Variants in GPHN observed in about 807,000 individuals in gnomAD.
GPHN encodes gephyrin.
A neutral mutation model predicts 95.5 loss-of-function variants in GPHN; 17 were observed. The ratio of observed to expected loss-of-function variants is 0.18; its 90% CI spans 0.12 to 0.27. The LOEUF (loss-of-function observed/expected upper bound fraction) is 0.27, where lower values mean the gene tolerates loss of function less well. GPHN is among the 10% of genes least tolerant of loss of function. The probability of loss-of-function intolerance (pLI) is 1.00; values close to 1 mark genes in which losing one functional copy is unlikely to be tolerated. For missense variants in GPHN, 660 were observed against 978.1 expected (o/e 0.67, Z 4.34); for synonymous variants, 320 against 322.5 (o/e 0.99, Z 0.08).
At chr14:66,545,757 CG>C (rs2059557630) in intron 1 of GPHN, among the ~76,000 whole-genome samples, 1 of 137,962 alleles carries the variant, frequency 7.2e-6, no homozygotes, top group Non-Finnish European at 1.6e-5. Context: ...ACCTCCCTCC[CG>C]GACGGGGCAG....
At chr14:66,852,657 G>A (rs1217433007) in intron 4 of GPHN, among the ~76,000 whole-genome samples, 1 of 152,230 alleles carries the variant, frequency 6.6e-6, no homozygotes, top group Non-Finnish European at 1.5e-5. Context: ...TCATTTCAAA[G>A]ATGTATCGTT....
intron 9 of GPHN, among the ~76,000 whole-genome samples, chr14:67,016,752 T>C (rs1023042968): frequency 3.3e-5 from 5 of 152,104 alleles, no homozygotes; most frequent in Admixed American, 2.0e-4. Context: ...TCAGACTTTT[T>C]CTGTAGCTTT....
chr14:66,912,870 G>A lies in GPHN; in HGVS notation c.390-3133G>A, dbSNP rs1034655451. ...AACAACTCAGGTTATGGAAACTAAG[G>A]ATTAAAGAAGTTTAGTAATGAAGAC... On this transcript the variant is annotated intron_variant, in intron 5 of 22. Transcript: ENST00000478722. Among the ~76,000 whole-genome samples the A allele has an allele frequency of 5.3e-5, 8 of 152,104 alleles. 1 individual carries two copies. In the South Asian group the frequency reaches 6.2e-4, roughly 12 times the overall value.
the GPHN span, among the ~76,000 whole-genome samples, chr14:67,723,273 C>T: frequency 6.6e-6 from 1 of 152,172 alleles, no homozygotes; most frequent in African/African-American, 2.4e-5. Context: ...TGCTCTGTCA[C>T]CCCAGGGTGG....
At chr14:66,605,491 A>G (rs916494262) in intron 1 of GPHN, among the ~76,000 whole-genome samples, 1 of 149,062 alleles carries the variant, frequency 6.7e-6, no homozygotes, top group Non-Finnish European at 1.5e-5. Context: ...GCCACTTACA[A>G]TGTCTTCTTT....
chr14:67,605,898 G>A, the GPHN span, among the ~76,000 whole-genome samples: 1 of 151,808 alleles, frequency 6.6e-6, no homozygotes, highest in African/African-American at 2.4e-5. Context: ...GCCCAGGCCG[G>A]TCTCAAGCAA....
At chr14:66,851,439 A>T (rs945162012) in intron 4 of GPHN, among the ~76,000 whole-genome samples, 1 of 152,134 alleles carries the variant, frequency 6.6e-6, no homozygotes, top group East Asian at 1.9e-4. Flanking sequence ...AAGTGGAACC[A>T]TATAATATGT....
intron 2 of GPHN, among the ~76,000 whole-genome samples, chr14:66,746,025 A>G (rs1243398141): frequency 6.6e-6 from 1 of 152,122 alleles, no homozygotes; most frequent in Non-Finnish European, 1.5e-5. Flanking sequence ...ATTCATTTTT[A>G]TGGTAGATAG....
chr14:67,709,378 A>T, the GPHN span, among the ~76,000 whole-genome samples: 48 of 152,342 alleles, frequency 3.2e-4, no homozygotes, highest in African/African-American at 1.1e-3. Flanking sequence ...TTTTATAAAC[A>T]ATCTATAACA....
the GPHN span, among the ~76,000 whole-genome samples, chr14:67,389,220 TAAATA>T: frequency 6.6e-6 from 1 of 152,040 alleles, no homozygotes; most frequent in Non-Finnish European, 1.5e-5. Context: ...ATAAAATGGT[TAAATA>T]AAATACTGGA....
the GPHN span, chr14:67,678,434 A>C: frequency 1.3e-6 from 2 of 1,580,578 alleles, no homozygotes; most frequent in East Asian, 2.2e-5. Context: ...CTGGAAGGTA[A>C]AGAGAAAGGT....
chr14:67,515,407 C>CCGGCGGCGGCGG, the GPHN span: 493 of 178,874 alleles, frequency 2.8e-3, 2 homozygotes, highest in East Asian at 0.013. Flanking sequence ...AAAGGAGCCC[C>CCGGCGGCGGCGG]CGGCGGCGGC....
At chr14:67,724,053 G>A in the GPHN span, among the ~76,000 whole-genome samples, 6 of 152,352 alleles carry the variant, frequency 3.9e-5, no homozygotes, top group East Asian at 5.8e-4. Context: ...CTGTTCATCA[G>A]TTACTCATGA....
At chr14:66,937,807 C>T (rs962518132) in intron 8 of GPHN, among the ~76,000 whole-genome samples, 2 of 152,092 alleles carry the variant, frequency 1.3e-5, no homozygotes, top group East Asian at 1.9e-4. Flanking sequence ...AAAGTAATTG[C>T]GGTTTTTGCC....
At chr14:67,462,762 G>A in the GPHN span, among the ~76,000 whole-genome samples, 1 of 152,242 alleles carries the variant, frequency 6.6e-6, no homozygotes, top group African/African-American at 2.4e-5. Context: ...GGTAGCAGGA[G>A]TTATTGGACA....
chr14:67,582,652 GAA>G, the GPHN span, among the ~76,000 whole-genome samples: 2 of 151,356 alleles, frequency 1.3e-5, no homozygotes, highest in Non-Finnish European at 2.9e-5. This position sits in a 1 kb window ranked among gnomAD's most constrained non-coding sequence, Gnocchi z 5.0. Flanking sequence ...TGTCTCTACT[GAA>G]AAAAAATAAA....
chr14:66,562,444 T>C (rs1477222029), intron 1 of GPHN, among the ~76,000 whole-genome samples: 1 of 152,124 alleles, frequency 6.6e-6, no homozygotes, highest in Non-Finnish European at 1.5e-5. Context: ...TATATCCAAT[T>C]TTTATTTGTC....
At chr14:66,517,258 A>G (rs1367494049) in intron 1 of GPHN, among the ~76,000 whole-genome samples, 3 of 152,140 alleles carry the variant, frequency 2.0e-5, no homozygotes, top group African/African-American at 7.2e-5. Flanking sequence ...GTCTATACAG[A>G]ACATTTTGAT....
intron 1 of GPHN, among the ~76,000 whole-genome samples, chr14:66,647,196 A>G (rs1163691703): frequency 6.6e-6 from 1 of 151,202 alleles, no homozygotes; most frequent in Admixed American, 6.6e-5. Context: ...ATAAGCCACC[A>G]CACCCAGCCA....
Sources: gnomAD v4.1 joint callset for allele counts (sites outside exome capture counted in the v4.1 genomes callset) on GRCh38, gnomAD v4.1.1 for gene constraint, Gnocchi (gnomAD v3.1) non-coding constraint, MANE v1.5 for transcripts, NCBI Gene and HGNC (gene_info 2026-07-23, HGNC 2026-07-21) for gene names.